LRBA: variants seen among roughly 807,000 people sequenced by gnomAD.
LRBA encodes lipopolysaccharide-responsive and beige-like anchor protein.
LRBA carries 176 observed loss-of-function variants against 330.0 expected under a neutral mutation model. The observed-to-expected ratio is 0.53, with a 90% confidence interval of 0.47 to 0.60. The LOEUF is 0.60. LRBA is among the 20% of genes least tolerant of loss of function. The pLI is 0.00. For missense variants in LRBA, 3,259 were observed against 3,444.8 expected, an observed-to-expected ratio of 0.95 and a Z score of 1.35; for synonymous variants, 1,230 against 1,193.0, an observed-to-expected ratio of 1.03 and a Z score of -0.64.
At chr4:150,889,411 G>C (rs1345397540) in intron 17 of LRBA, among the ~76,000 whole-genome samples, 1 of 152,118 alleles carries the variant, frequency 6.6e-6, no homozygotes, top group East Asian at 1.9e-4. Context: ...AGGAGGCCAA[G>C]GCGGGCAGAT....
At chr4:150,489,393 A>T (rs370096307) in intron 41 of LRBA, among the ~76,000 whole-genome samples, 1,946 of 32,136 alleles carry the variant, frequency 0.061, 352 homozygotes, top group Non-Finnish European at 0.082. Context: ...TAAGAATATA[A>T]AATATATTAT....
In LRBA at chr4:150,920,880, T is replaced by C. The variant is rs1387938832; in HGVS notation, c.645+318A>G. Among the ~76,000 whole-genome samples, 3 of 152,104 alleles carry C rather than the reference T, an allele frequency of 2.0e-5. No individual in the cohort carries two copies. The East Asian group carries it at 5.8e-4, about 29-fold the overall frequency. Reference sequence around the variant, plus strand: ...AGTAATGAAAGGCAAGAGAAAGATGTTCACAAAGATAGACATGAAGGTGTT... The same window carrying C: ...AGTAATGAAAGGCAAGAGAAAGATGCTCACAAAGATAGACATGAAGGTGTT... On this transcript the variant is annotated intron_variant, in intron 5 of 56. Transcript: ENST00000651943.
At chr4:150,417,128 T>C (rs1747883666) in intron 46 of LRBA, among the ~76,000 whole-genome samples, 1 of 152,192 alleles carries the variant, frequency 6.6e-6, no homozygotes, top group East Asian at 1.9e-4. Context: ...CAAAGTGATT[T>C]TTAAAAAAGG....
chr4:150,588,032 C>T lies in LRBA; in HGVS notation c.6330+16G>A, dbSNP rs768615447. 9 of 1,607,918 alleles carry T rather than the reference C, an allele frequency of 5.6e-6. No homozygotes were observed. Among genetic ancestry groups the T allele is most frequent in the Non-Finnish European group, 7.6e-6 (9 of 1,177,558 alleles). On this transcript the variant is annotated intron_variant, in intron 40 of 56. Transcript: ENST00000651943. ...ATCCCATCATAAGAAAAAATGAAACCCCTTCATCTTCTCACCTTGGGGTCG... is the reference window on the plus strand; with the variant it reads ...ATCCCATCATAAGAAAAAATGAAACTCCTTCATCTTCTCACCTTGGGGTCG...
At chr4:150,821,689 T>C (rs1381707272) in intron 30 of LRBA, among the ~76,000 whole-genome samples, 15 of 152,186 alleles carry the variant, frequency 9.9e-5, no homozygotes, top group Non-Finnish European at 1.0e-4. Context: ...AAAAAGAGCA[T>C]TTCAGCCTAC....
chr4:150,458,893 G>T (rs1014265812), intron 44 of LRBA, among the ~76,000 whole-genome samples: 27 of 151,324 alleles, frequency 1.8e-4, no homozygotes, highest in African/African-American at 5.8e-4. Flanking sequence ...CACATTAGAG[G>T]TTGTCTTTAA....
At chr4:150,553,649 T>C (rs562918310) in intron 40 of LRBA, among the ~76,000 whole-genome samples, 5 of 152,196 alleles carry the variant, frequency 3.3e-5, no homozygotes, top group African/African-American at 1.2e-4. Context: ...TTCATACCAA[T>C]AACCATATCC....
At position 150,728,729 on chromosome 4, in the gene LRBA, C is replaced by T. The variant is rs553653354; in HGVS notation, c.5754+6529G>A. ...AACATAATAAGCCATATATGACAGA[C>T]CCACAACCAGTATCATACTGAATGG... On this transcript the variant is annotated intron_variant, in intron 36 of 56. Coordinates refer to ENST00000651943, the MANE Select transcript of LRBA (RefSeq NM_001364905.1). Among the ~76,000 whole-genome samples, 169 of 151,070 alleles carry T rather than the reference C, an allele frequency of 1.1e-3. 1 individual carries two copies. The highest frequency in any genetic ancestry group is 2.2e-3 in the Admixed American group (34 of 15,172).
intron 29 of LRBA, among the ~76,000 whole-genome samples, chr4:150,830,500 C>T (rs552297997): frequency 5.9e-5 from 9 of 152,262 alleles, no homozygotes; most frequent in African/African-American, 2.2e-4. Context: ...GGAGCCATCC[C>T]ACCTGAGGCA....
intron 37 of LRBA, among the ~76,000 whole-genome samples, chr4:150,678,824 C>T (rs142291942): frequency 1.2e-3 from 182 of 152,226 alleles, no homozygotes; most frequent in Middle Eastern, 6.8e-3. Context: ...TAAAAATAAA[C>T]GCATTAGAAA....
At chr4:150,843,291 A>T (rs1485115923) in intron 28 of LRBA, among the ~76,000 whole-genome samples, 1 of 152,224 alleles carries the variant, frequency 6.6e-6, no homozygotes, top group Non-Finnish European at 1.5e-5. Flanking sequence ...AAACTATTGA[A>T]AAAAAGGGAG....
chr4:150,611,537 C>CA lies in LRBA; in HGVS notation c.5922-12407dup, dbSNP rs143772112. On this transcript the variant is annotated intron_variant, in intron 37 of 56. Transcript: ENST00000651943. ...ATAAAGTGACAGATATAACTATAAACAAAAAATTTTATAAATTATATGAAA... is the reference window on the plus strand; with the variant it reads ...ATAAAGTGACAGATATAACTATAAACAAAAAAATTTTATAAATTATATGAAA... Among the ~76,000 whole-genome samples the CA allele has an allele frequency of 9.7e-4, 148 of 152,074 alleles. 1 individual carries two copies. In the East Asian group the frequency reaches 0.026, roughly 27 times the overall value.
intron 17 of LRBA, among the ~76,000 whole-genome samples, chr4:150,883,258 C>G (rs1256179431): frequency 6.6e-6 from 1 of 152,036 alleles, no homozygotes; most frequent in Non-Finnish European, 1.5e-5. Flanking sequence ...GTCAGGAGAT[C>G]AAGACCAGCC....
At chr4:150,704,880 T>C (rs1022581989) in intron 36 of LRBA, among the ~76,000 whole-genome samples, 1 of 152,184 alleles carries the variant, frequency 6.6e-6, no homozygotes, top group Non-Finnish European at 1.5e-5. Context: ...ATAATAAGAA[T>C]ATGTGACTCA....
At chr4:150,648,163 A>AAAAAAAAAAACAAAAAAAAAAAAC (rs1779359880) in intron 37 of LRBA, among the ~76,000 whole-genome samples, 1 of 139,846 alleles carries the variant, frequency 7.2e-6, no homozygotes, top group African/African-American at 2.5e-5. Context: ...AGTAGCAAAA[A>AAAAAAAAAAACAAAAAAAAAAAAC]AAAAAAAAAA....
At chr4:150,730,674 C>T in intron 36 of LRBA, among the ~76,000 whole-genome samples, 1 of 128,548 alleles carries the variant, frequency 7.8e-6, no homozygotes, top group Admixed American at 8.1e-5. Context: ...CAGAGTGAGG[C>T]TCTGAAAAAA....
At chr4:150,273,030 T>C (rs1171984253) in intron 56 of LRBA, among the ~76,000 whole-genome samples, 1 of 151,796 alleles carries the variant, frequency 6.6e-6, no homozygotes, top group Non-Finnish European at 1.5e-5. Context: ...AAGGTAGAAA[T>C]GAAGGAAAAA....
rs760011778 is a variant in LRBA at position 150,671,551 on chromosome 4, AGGTAGTTAATTCAT to A, written c.5921+11986_5921+11999del. 2.6e-5 allele frequency among the ~76,000 whole-genome samples: 4 copies of A among 152,212 alleles called. 1 individual carries two copies. Among genetic ancestry groups the A allele is most frequent in the Non-Finnish European group, 5.9e-5 (4 of 68,036 alleles). ...ATGTGATAACAATTTTTATTTCCTCAGGTAGTTAATTCATTACAAATCAGTCACTAAGTACCCAT... is the reference window on the plus strand; with the variant it reads ...ATGTGATAACAATTTTTATTTCCTCATACAAATCAGTCACTAAGTACCCAT... On this transcript the variant is annotated intron_variant, in intron 37 of 56. Coordinates refer to ENST00000651943, the MANE Select transcript of LRBA (RefSeq NM_001364905.1).
chr4:150,335,520 TTA>T (rs750327891), intron 48 of LRBA, among the ~76,000 whole-genome samples: 2 of 147,318 alleles, frequency 1.4e-5, no homozygotes, highest in South Asian at 4.2e-4. Flanking sequence ...CATATACGTA[TTA>T]TATATGTGTG....
Sources: allele counts gnomAD v4.1 joint callset (sites outside exome capture counted in the v4.1 genomes callset), GRCh38; gene constraint gnomAD v4.1.1; transcripts MANE v1.5; gene names NCBI Gene and HGNC (gene_info 2026-07-23, HGNC 2026-07-21).